IL1RAPL2: variants seen among roughly 807,000 people sequenced by gnomAD.
IL1RAPL2 encodes X-linked interleukin-1 receptor accessory protein-like 2.
IL1RAPL2 carries 3 observed loss-of-function variants against 44.1 expected under a neutral mutation model. That is an observed-to-expected ratio of 0.07 (90% CI 0.03 to 0.18). The LOEUF (loss-of-function observed/expected upper bound fraction) is 0.18. Ranked by LOEUF, IL1RAPL2 falls within the 10% of genes least tolerant of loss-of-function variation. IL1RAPL2 has a pLI of 1.00. For synonymous variants in IL1RAPL2, 181 were observed against 178.8 expected, an observed-to-expected ratio of 1.01 and a Z score of -0.10; for missense variants, 391 against 496.4, an observed-to-expected ratio of 0.79 and a Z score of 2.02.
intron 1 of IL1RAPL2, among the ~76,000 whole-genome samples, chrX:104,585,270 ATT>A: frequency 4.9e-5 from 1 of 20,468 alleles, no homozygotes; most frequent in Non-Finnish European, 6.8e-5. Context: ...TATATAATAT[ATT>A]ATATATATTA....
At chrX:105,194,568 C>T (rs1047737218) in intron 2 of IL1RAPL2, among the ~76,000 whole-genome samples, 6 of 111,445 alleles carry the variant, frequency 5.4e-5, no homozygotes, top group Admixed American at 9.6e-5. Flanking sequence ...GGTAGATTTG[C>T]CTACCTAATA....
chrX:105,283,550 C>A (rs984631884), intron 5 of IL1RAPL2, among the ~76,000 whole-genome samples: 1 of 111,086 alleles, frequency 9.0e-6, no homozygotes, highest in Non-Finnish European at 1.9e-5. Flanking sequence ...TATACTTCCT[C>A]ATGATGATTC....
chrX:105,501,653 A>C (rs761631453), intron 6 of IL1RAPL2, among the ~76,000 whole-genome samples: 1 of 111,345 alleles, frequency 9.0e-6, no homozygotes, highest in African/African-American at 3.3e-5. Flanking sequence ...AACAACGACA[A>C]ACCCATAGAG....
At chrX:104,768,057 C>T (rs1017109142) in intron 2 of IL1RAPL2, among the ~76,000 whole-genome samples, 3 of 111,616 alleles carry the variant, frequency 2.7e-5, no homozygotes, top group African/African-American at 6.5e-5. Context: ...AAAAGTAACA[C>T]GTACAACATG....
At chrX:105,205,387 G>A (rs1363559115) in intron 3 of IL1RAPL2, among the ~76,000 whole-genome samples, 3 of 107,061 alleles carry the variant, frequency 2.8e-5, no homozygotes, top group East Asian at 5.9e-4. Flanking sequence ...TCAGAAGTTC[G>A]AGACCAGCCT....
chrX:104,821,167 T>G (rs1921290675), intron 2 of IL1RAPL2, among the ~76,000 whole-genome samples: 1 of 112,276 alleles, frequency 8.9e-6, no homozygotes, highest in African/African-American at 3.2e-5. Context: ...GCAAAGAAAC[T>G]GAGTATCTAG....
intron 6 of IL1RAPL2, among the ~76,000 whole-genome samples, chrX:105,550,393 T>C (rs2036841904): frequency 8.9e-6 from 1 of 112,361 alleles, no homozygotes; most frequent in Admixed American, 9.4e-5. Flanking sequence ...TAAAAAGGGA[T>C]GGAATTGAAC....
At chrX:104,709,975 TAAAA>T (rs1033421690) in intron 2 of IL1RAPL2, among the ~76,000 whole-genome samples, 2 of 110,437 alleles carry the variant, frequency 1.8e-5, no homozygotes, top group African/African-American at 3.3e-5. Context: ...GCTATAATAA[TAAAA>T]AAAAGAAACA....
intron 6 of IL1RAPL2, among the ~76,000 whole-genome samples, chrX:105,666,500 G>T (rs1477257351): frequency 8.9e-6 from 1 of 111,810 alleles, no homozygotes; most frequent in Non-Finnish European, 1.9e-5. Flanking sequence ...ACAGAGAAAG[G>T]AATTTACAAT....
At chrX:104,909,463 A>T (rs1924154169) in intron 2 of IL1RAPL2, among the ~76,000 whole-genome samples, 1 of 111,062 alleles carries the variant, frequency 9.0e-6, no homozygotes, top group Admixed American at 9.6e-5. Context: ...TTTTTTCCCC[A>T]TCTTTGTGGT....
At chrX:105,050,960 T>C (rs182601941) in intron 2 of IL1RAPL2, among the ~76,000 whole-genome samples, 1 of 112,434 alleles carries the variant, frequency 8.9e-6, no homozygotes, top group East Asian at 2.8e-4. Context: ...TCTGCCCTGC[T>C]CCAAGTTGGG....
At chrX:105,655,343 C>A (rs2147844895) in intron 6 of IL1RAPL2, among the ~76,000 whole-genome samples, 1 of 112,564 alleles carries the variant, frequency 8.9e-6, no homozygotes, top group Non-Finnish European at 1.9e-5. Flanking sequence ...CATCTCATCC[C>A]AACCCATCTC....
At chrX:105,749,518 C>T (rs1184243773) in intron 9 of IL1RAPL2, among the ~76,000 whole-genome samples, 1 of 111,370 alleles carries the variant, frequency 9.0e-6, no homozygotes, top group Non-Finnish European at 1.9e-5. Context: ...TCATTTATAG[C>T]CATTGCTGCC....
At chrX:105,554,661 C>T (rs2147804349) in intron 6 of IL1RAPL2, among the ~76,000 whole-genome samples, 1 of 111,013 alleles carries the variant, frequency 9.0e-6, no homozygotes, top group African/African-American at 3.3e-5. Flanking sequence ...GTCTGTATTA[C>T]TCAATCTTAA....
chrX:104,893,236 GT>G (rs1380575311), intron 2 of IL1RAPL2, among the ~76,000 whole-genome samples: 1 of 112,128 alleles, frequency 8.9e-6, no homozygotes, highest in Non-Finnish European at 1.9e-5. Flanking sequence ...TAGAATAAGT[GT>G]GGTGTGGTGC....
At chrX:105,197,113 G>C (rs782193609) in intron 3 of IL1RAPL2, among the ~76,000 whole-genome samples, 2 of 110,938 alleles carry the variant, frequency 1.8e-5, no homozygotes, top group Admixed American at 1.9e-4. Flanking sequence ...GGAGCAAATG[G>C]TGAGTTTAGT....
chrX:105,051,925 C>T lies in IL1RAPL2; in HGVS notation c.83-143550C>T, dbSNP rs2031932455. Among the ~76,000 whole-genome samples, 3 of 112,374 alleles carry T rather than the reference C, an allele frequency of 2.7e-5. 1 individual carries two copies. Among genetic ancestry groups the T allele is most frequent in the African/African-American group, 9.7e-5 (3 of 30,954 alleles). On this transcript the variant is annotated intron_variant, in intron 2 of 10. Coordinates refer to ENST00000372582, the MANE Select transcript of IL1RAPL2 (RefSeq NM_017416.2). Reference sequence around the variant, plus strand: ...ACGGGCCAATAGGTACAGCAAACCACCATGGCACACATATACCTATGTAAA... The same window carrying T: ...ACGGGCCAATAGGTACAGCAAACCATCATGGCACACATATACCTATGTAAA...
chrX:104,672,761 G>C (rs1490059808), intron 2 of IL1RAPL2, among the ~76,000 whole-genome samples: 1 of 106,542 alleles, frequency 9.4e-6, no homozygotes, highest in Non-Finnish European at 1.9e-5. Context: ...AGCACCTGTT[G>C]TTTCCTGACT....
At position 105,419,918 on chromosome X, in the gene IL1RAPL2, C is replaced by T. The variant is rs1776171814; in HGVS notation, c.698-64395C>T. Among the ~76,000 whole-genome samples the T allele has an allele frequency of 4.5e-5, 5 of 111,224 alleles. No homozygotes were observed. The Admixed American group carries it at 4.8e-4, about 11-fold the overall frequency. On this transcript the variant is annotated intron_variant, in intron 5 of 10. Transcript: ENST00000372582. ...AAAATGTTATCTGCAAAAAATTTTTCAGCTTGTTATAAAGTGAGACCATTT... is the reference window on the plus strand; with the variant it reads ...AAAATGTTATCTGCAAAAAATTTTTTAGCTTGTTATAAAGTGAGACCATTT...
Sources: allele counts gnomAD v4.1 joint callset (sites outside exome capture counted in the v4.1 genomes callset), GRCh38; gene constraint gnomAD v4.1.1; transcripts MANE v1.5; gene names NCBI Gene and HGNC (gene_info 2026-07-23, HGNC 2026-07-21).